Variants in MTSS1 observed in about 807,000 individuals in gnomAD.
MTSS1 encodes protein MTSS 1.
A neutral mutation model predicts 79.0 loss-of-function variants in MTSS1; 18 were observed. The observed-to-expected ratio is 0.23, with a 90% CI of 0.16 to 0.34. The LOEUF is 0.34. MTSS1 is among the 10% of genes least tolerant of loss of function. The probability of loss-of-function intolerance (pLI) is 1.00; values close to 1 mark genes in which losing one functional copy is unlikely to be tolerated. For synonymous variants in MTSS1, 341 were observed against 368.6 expected (o/e 0.93, Z 0.86); for missense variants, 815 against 986.2 (o/e 0.83, Z 2.33).
intron 3 of MTSS1, among the ~76,000 whole-genome samples, chr8:124,616,338 G>A (rs1836846023): frequency 1.4e-5 from 2 of 146,000 alleles, no homozygotes; most frequent in African/African-American, 5.1e-5. Context: ...TGTCATTGCT[G>A]CGGCTGTTGT....
intron 1 of MTSS1, among the ~76,000 whole-genome samples, chr8:124,710,498 C>T (rs1831006819): frequency 6.6e-6 from 1 of 152,012 alleles, no homozygotes. Flanking sequence ...CGCCGAGTGC[C>T]TCTCCTCATC....
chr8:124,654,056 T>G, intron 3 of MTSS1, among the ~76,000 whole-genome samples: 1 of 152,120 alleles, frequency 6.6e-6, no homozygotes, highest in Non-Finnish European at 1.5e-5. Flanking sequence ...CCAGAGCTCC[T>G]GCTAGACGGA....
At chr8:124,584,689 A>G (rs1446934073) in intron 6 of MTSS1, among the ~76,000 whole-genome samples, 1 of 152,182 alleles carries the variant, frequency 6.6e-6, no homozygotes, top group Non-Finnish European at 1.5e-5. Flanking sequence ...GACTTAATAA[A>G]GGGTTTTGAA....
chr8:124,589,289 C>T (rs1831415608), intron 5 of MTSS1, among the ~76,000 whole-genome samples: 1 of 152,184 alleles, frequency 6.6e-6, no homozygotes, highest in East Asian at 1.9e-4. Context: ...CCTCGGCCTC[C>T]CAAAGTGCCG....
At position 124,557,741 on chromosome 8, in the gene MTSS1, G is replaced by A. The variant is rs371589210; in HGVS notation, c.1170C>T (p.Tyr390=). The A allele has an allele frequency of 2.4e-5, 39 of 1,602,280 alleles. No individual in the cohort carries two copies. The highest frequency in any genetic ancestry group is 1.1e-4 in the African/African-American group (8 of 74,646). Residue 390 remains tyrosine, a synonymous_variant, in exon 11 of 14, where the codon TAC becomes TAT. Coordinates refer to ENST00000518547, the MANE Select transcript of MTSS1 (RefSeq NM_014751.6). ...PRVTSVHLPD[Y]AHYYTIGPGM... ...CGGGCCCAATGGTGTAATAATGAGCGTAGTCTGGAAGGTGGACAGAGGTGA... is the reference window on the plus strand; with the variant it reads ...CGGGCCCAATGGTGTAATAATGAGCATAGTCTGGAAGGTGGACAGAGGTGA...
intron 3 of MTSS1, among the ~76,000 whole-genome samples, chr8:124,605,098 A>G (rs973027734): frequency 6.6e-6 from 1 of 152,180 alleles, no homozygotes; most frequent in Non-Finnish European, 1.5e-5. Context: ...TTTGGATGGA[A>G]TGGTGTCTGG....
At chr8:124,719,400 T>A (rs1410564884) in intron 1 of MTSS1, among the ~76,000 whole-genome samples, 1 of 152,198 alleles carries the variant, frequency 6.6e-6, no homozygotes, top group Non-Finnish European at 1.5e-5. Flanking sequence ...AAAGCCTTCC[T>A]GGACTCTGTA....
intron 1 of MTSS1, among the ~76,000 whole-genome samples, chr8:124,719,035 C>T (rs1013387042): frequency 2.0e-5 from 3 of 152,150 alleles, no homozygotes; most frequent in Non-Finnish European, 2.9e-5. Flanking sequence ...CGATCAAGGA[C>T]ATGAATGAAA....
intron 3 of MTSS1, among the ~76,000 whole-genome samples, chr8:124,602,036 GC>G (rs1305436720): frequency 6.6e-6 from 1 of 151,376 alleles, no homozygotes; most frequent in East Asian, 1.9e-4. Flanking sequence ...CTAAGACAAT[GC>G]TTTACCCAAA....
intron 3 of MTSS1, among the ~76,000 whole-genome samples, chr8:124,594,432 T>G (rs1412765178): frequency 6.6e-6 from 1 of 151,650 alleles, no homozygotes; most frequent in Non-Finnish European, 1.5e-5. Flanking sequence ...TTGGGAGGAG[T>G]AGCTTGAGAA....
At chr8:124,697,253 T>TAAA (rs10693846) in intron 3 of MTSS1, among the ~76,000 whole-genome samples, 52,708 of 145,996 alleles carry the variant, frequency 0.36, 9,833 homozygotes, top group Non-Finnish European at 0.42. Context: ...TAGAGCAGCT[T>TAAA]AAAAAAAAAA....
intron 1 of MTSS1, among the ~76,000 whole-genome samples, chr8:124,707,420 C>CA (rs1262164354): frequency 1.1e-4 from 15 of 137,328 alleles, no homozygotes; most frequent in South Asian, 4.7e-4. Flanking sequence ...AACAAACAAA[C>CA]AAAAAAAAAA....
At chr8:124,676,264 G>A (rs1204700462) in intron 3 of MTSS1, among the ~76,000 whole-genome samples, 1 of 152,196 alleles carries the variant, frequency 6.6e-6, no homozygotes, top group Admixed American at 6.5e-5. Flanking sequence ...CATGGAAAAT[G>A]CAAAGATGGT....
In MTSS1 at chr8:124,555,820, C is replaced by T. The variant is rs1823547246; in HGVS notation, c.1489G>A (p.Asp497Asn). The T allele has an allele frequency of 1.2e-6, 2 of 1,613,382 alleles. No homozygotes were observed. Among genetic ancestry groups the T allele is most frequent in the East Asian group, 2.2e-5 (1 of 44,882 alleles). ...LQLDTQRSSR[D>N]SLQCSSGYST... The stretch of plus-strand genomic sequence containing the variant: ...TAGCCGCTGGAGCACTGAAGCGAGT[C>T]CCGGCTGCTCCTCTGGGTGTCCAGC... The change falls in exon 13 of 14, where the codon GAC (aspartate) becomes AAC (asparagine). Residue 497 changes from aspartate to asparagine, a missense_variant. Around this residue, in one of 2 missense-constraint regions of MTSS1, gnomAD observed 590 missense variants for 620.8 expected, o/e 0.95. Transcript: ENST00000518547.
intron 6 of MTSS1, among the ~76,000 whole-genome samples, chr8:124,570,629 G>A (rs1171507337): frequency 6.6e-6 from 1 of 152,130 alleles, no homozygotes; most frequent in African/African-American, 2.4e-5. Context: ...TCCACGGGGG[G>A]TCTTGGAACA....
rs551998733 is a variant in MTSS1 at position 124,582,305 on chromosome 8, A to G, written c.460+2782T>C. ...GAAGGAAATATTTAAACACCTTTAG[A>G]TTACAAACCACCTCTCTATATAGTA... On this transcript the variant is annotated intron_variant, in intron 6 of 13. Coordinates refer to ENST00000518547, the MANE Select transcript of MTSS1 (RefSeq NM_014751.6). This position sits in a 1 kb window ranked among gnomAD's most constrained non-coding sequence, Gnocchi z 4.8. Among the ~76,000 whole-genome samples the G allele has an allele frequency of 6.6e-6, 1 of 152,332 alleles. No homozygotes were observed. The highest frequency in any genetic ancestry group is 2.1e-4 in the South Asian group (1 of 4,830).
chr8:124,552,680 T>C lies in MTSS1; in HGVS notation c.*312A>G, dbSNP rs1822715676. On this transcript the variant is annotated 3_prime_UTR_variant, in exon 14 of 14. Coordinates refer to ENST00000518547, the MANE Select transcript of MTSS1 (RefSeq NM_014751.6). ...GGTTCCCCTGCCCCAACCCCCTTTATGCATTTAAAATTTTACAAAGACTTG... is the reference window on the plus strand; with the variant it reads ...GGTTCCCCTGCCCCAACCCCCTTTACGCATTTAAAATTTTACAAAGACTTG... 3.1e-6 allele frequency: 1 copy of C among 324,446 alleles called. No homozygotes were observed. The highest frequency in any genetic ancestry group is 5.6e-6 in the Non-Finnish European group (1 of 177,244). 20.1% of individuals were successfully genotyped at this position (324,446 alleles called of 1,614,324 possible). A position where few individuals can be genotyped will look rare whatever the true frequency, so the allele number is the denominator to read the frequency against.
intron 3 of MTSS1, among the ~76,000 whole-genome samples, chr8:124,595,973 A>G (rs1296667733): frequency 6.6e-6 from 1 of 152,158 alleles, no homozygotes; most frequent in Non-Finnish European, 1.5e-5. Flanking sequence ...TCTTAAGAGA[A>G]ACACACCAAA....
At chr8:124,602,830 A>C (rs1205002833) in intron 3 of MTSS1, among the ~76,000 whole-genome samples, 3 of 152,200 alleles carry the variant, frequency 2.0e-5, no homozygotes, top group African/African-American at 7.2e-5. Flanking sequence ...GTGTTCCTGT[A>C]GTCAACAAAT....
Sources: allele counts gnomAD v4.1 joint callset (sites outside exome capture counted in the v4.1 genomes callset), GRCh38; gene constraint gnomAD v4.1.1; regional missense constraint gnomAD v4.1.1; non-coding constraint Gnocchi (gnomAD v3.1); transcripts MANE v1.5; gene names NCBI Gene and HGNC (gene_info 2026-07-23, HGNC 2026-07-21).